The following C12orf42 variants were observed in gnomAD, a reference collection of about 807,000 sequenced individuals.
C12orf42 encodes the protein chromosome 12 open reading frame 42.
Under a neutral mutation model 21.6 loss-of-function variants are expected in C12orf42, and 25 were observed. The observed-to-expected ratio is 1.16, with a 90% CI of 0.84 to 1.62. C12orf42 has a LOEUF of 1.62. Ranked by LOEUF, C12orf42 falls within the 40% of genes most tolerant of loss-of-function variation. The pLI is 0.00. For synonymous variants in C12orf42, 174 were observed against 175.0 expected (o/e 0.99, Z 0.05); for missense variants, 483 against 459.3 (o/e 1.05, Z -0.47).
At chr12:103,507,993 A>T in the C12orf42 span, among the ~76,000 whole-genome samples, 43 of 152,270 alleles carry the variant, frequency 2.8e-4, no homozygotes, top group African/African-American at 1.0e-3. Flanking sequence ...CATTGGATGC[A>T]GGGGAATCTG....
intron 5 of C12orf42, among the ~76,000 whole-genome samples, chr12:103,276,184 G>A (rs114530589): frequency 0.013 from 2,053 of 152,178 alleles, 41 homozygotes; most frequent in African/African-American, 0.041. Context: ...TAATGTCAAG[G>A]TAATATGTTT....
At chr12:103,379,278 T>C (rs1333374630) in intron 3 of C12orf42, among the ~76,000 whole-genome samples, 2 of 152,176 alleles carry the variant, frequency 1.3e-5, no homozygotes, top group Admixed American at 6.6e-5. Context: ...TAAATAAAAA[T>C]ACAACTGATG....
intron 10 of C12orf42, among the ~76,000 whole-genome samples, chr12:103,241,875 A>C (rs2033765644): frequency 6.6e-6 from 1 of 152,182 alleles, no homozygotes; most frequent in African/African-American, 2.4e-5. Context: ...AGCCTGTGTT[A>C]TTAGTCTTTT....
the C12orf42 span, among the ~76,000 whole-genome samples, chr12:103,531,799 G>A: frequency 6.6e-6 from 1 of 152,328 alleles, no homozygotes; most frequent in Admixed American, 6.5e-5. Flanking sequence ...TACACAGGTT[G>A]TTGGTTGAAG....
At chr12:103,136,671 A>T in the C12orf42 span, among the ~76,000 whole-genome samples, 4 of 152,242 alleles carry the variant, frequency 2.6e-5, no homozygotes, top group African/African-American at 9.6e-5. Context: ...AGATATTTGT[A>T]TAAAAACAGA....
At position 103,305,973 on chromosome 12, in the gene C12orf42, C is replaced by T. The variant is rs749759295; in HGVS notation, c.631+1G>A. 3 of 1,597,814 alleles carry T rather than the reference C, an allele frequency of 1.9e-6. No individual in the cohort carries two copies. The South Asian group carries it at 3.3e-5, about 18-fold the overall frequency. ...GTCAGTAACCACAACATGATACTTA[C>T]CAGAATTTTTCTTGGGACTGCTCAA... On this transcript the variant is annotated splice_donor_variant, in intron 5 of 5. Coordinates refer to ENST00000548883, the MANE Select transcript of C12orf42 (RefSeq NM_198521.5). LOFTEE classifies it high-confidence loss of function.
At chr12:103,359,995 T>C (rs2043941837) in intron 4 of C12orf42, among the ~76,000 whole-genome samples, 1 of 151,596 alleles carries the variant, frequency 6.6e-6, no homozygotes, top group South Asian at 2.1e-4. Context: ...CCCCTTTCCC[T>C]TACTGCCATA....
At chr12:103,167,906 G>C in the C12orf42 span, 9 of 288,362 alleles carry the variant, frequency 3.1e-5, no homozygotes, top group East Asian at 2.9e-4. Flanking sequence ...GTGTGTGTGT[G>C]TGTGTGTTTG....
At chr12:103,129,553 C>T in the C12orf42 span, among the ~76,000 whole-genome samples, 4 of 152,258 alleles carry the variant, frequency 2.6e-5, no homozygotes, top group Non-Finnish European at 5.9e-5. Context: ...ACCCTTCTTA[C>T]ATGTCAAGCT....
intron 2 of C12orf42, among the ~76,000 whole-genome samples, chr12:103,435,037 C>T (rs546504387): frequency 6.6e-6 from 1 of 152,112 alleles, no homozygotes; most frequent in Non-Finnish European, 1.5e-5. Flanking sequence ...GTTCTCCCAG[C>T]ACGCAGCTGG....
chr12:103,092,249 C>T, the C12orf42 span, among the ~76,000 whole-genome samples: 4 of 152,164 alleles, frequency 2.6e-5, no homozygotes, highest in Non-Finnish European at 4.4e-5. Context: ...GTTTATCATT[C>T]GCTTTCTGGT....
chr12:103,428,209 G>C (rs148920782), intron 2 of C12orf42, among the ~76,000 whole-genome samples: 1 of 152,004 alleles, frequency 6.6e-6, no homozygotes, highest in African/African-American at 2.4e-5. Context: ...TAGCAAGATG[G>C]ATAGACCACT....
intron 4 of C12orf42, among the ~76,000 whole-genome samples, chr12:103,331,327 A>G (rs920527501): frequency 1.3e-5 from 2 of 152,234 alleles, no homozygotes; most frequent in Non-Finnish European, 2.9e-5. Flanking sequence ...CCATAAAGTC[A>G]AAAAATTGTA....
At chr12:103,502,641 C>T in the C12orf42 span, among the ~76,000 whole-genome samples, 3 of 152,186 alleles carry the variant, frequency 2.0e-5, no homozygotes, top group Non-Finnish European at 2.9e-5. Flanking sequence ...CCATGTAAAA[C>T]AGCAGCCCTG....
At chr12:103,528,446 G>A in the C12orf42 span, among the ~76,000 whole-genome samples, 1 of 152,146 alleles carries the variant, frequency 6.6e-6, no homozygotes, top group African/African-American at 2.4e-5. Flanking sequence ...GTTGGAGGTG[G>A]GGCCTATTGG....
chr12:103,263,536 C>T (rs2035014743), intron 9 of C12orf42, among the ~76,000 whole-genome samples: 1 of 152,066 alleles, frequency 6.6e-6, no homozygotes, highest in African/African-American at 2.4e-5. Context: ...CCTGAATGCT[C>T]CAAGGAGATA....
intron 2 of C12orf42, among the ~76,000 whole-genome samples, chr12:103,436,786 A>G (rs954949297): frequency 3.9e-5 from 6 of 152,056 alleles, no homozygotes; most frequent in Non-Finnish European, 7.4e-5. Context: ...AGAGACTTAG[A>G]CTCCCACACA....
the C12orf42 span, among the ~76,000 whole-genome samples, chr12:103,520,675 C>G: frequency 6.6e-6 from 1 of 152,080 alleles, no homozygotes; most frequent in Non-Finnish European, 1.5e-5. Flanking sequence ...CAGTCAGACT[C>G]TGTCTCAAAA....
intron 2 of C12orf42, among the ~76,000 whole-genome samples, chr12:103,406,410 G>T (rs1219908284): frequency 6.6e-6 from 1 of 152,166 alleles, no homozygotes; most frequent in African/African-American, 2.4e-5. Context: ...TCCAAGAAGA[G>T]ACCTGGATAG....
Sources: allele counts gnomAD v4.1 joint callset (sites outside exome capture counted in the v4.1 genomes callset), GRCh38; gene constraint gnomAD v4.1.1; transcripts MANE v1.5; gene names NCBI Gene and HGNC (gene_info 2026-07-23, HGNC 2026-07-21).